The following PARD3 variants were observed in gnomAD, a reference collection of about 807,000 sequenced individuals.
PARD3 encodes par-3 family cell polarity regulator, also known as partitioning defective 3 homolog.
Under a neutral mutation model 155.4 loss-of-function variants are expected in PARD3, and 75 were observed. The ratio of observed to expected loss-of-function variants is 0.48; its 90% confidence interval spans 0.40 to 0.58. The LOEUF (loss-of-function observed/expected upper bound fraction) is 0.58, where lower values mean the gene tolerates loss of function less well. Ranked by LOEUF, PARD3 falls within the 20% of genes least tolerant of loss-of-function variation. PARD3 has a pLI of 0.00. For missense variants in PARD3, 1,642 were observed against 1,721.7 expected, an observed-to-expected ratio of 0.95 and a Z score of 0.82; for synonymous variants, 576 against 610.5, an observed-to-expected ratio of 0.94 and a Z score of 0.83.
chr10:34,215,031 T>C (rs1008804502), intron 22 of PARD3, among the ~76,000 whole-genome samples: 3 of 152,216 alleles, frequency 2.0e-5, no homozygotes, highest in Non-Finnish European at 2.9e-5. Context: ...CTATTGGCAT[T>C]CCGGGCATCT....
intron 5 of PARD3, among the ~76,000 whole-genome samples, chr10:34,434,640 A>C (rs1230213922): frequency 6.6e-6 from 1 of 152,208 alleles, no homozygotes; most frequent in African/African-American, 2.4e-5. Context: ...GGAGGGCTGC[A>C]GTGTTGTGTA....
intron 7 of PARD3, among the ~76,000 whole-genome samples, chr10:34,385,849 T>C (rs1214975270): frequency 6.6e-6 from 1 of 152,196 alleles, no homozygotes; most frequent in Admixed American, 6.5e-5. Context: ...ACTGAACTAG[T>C]AGTAAGGTCT....
chr10:34,409,868 A>G (rs898019721), intron 5 of PARD3, among the ~76,000 whole-genome samples: 4 of 152,232 alleles, frequency 2.6e-5, no homozygotes, highest in African/African-American at 9.6e-5. Flanking sequence ...ACAATAATTT[A>G]AAGTATTAAA....
intron 2 of PARD3, among the ~76,000 whole-genome samples, chr10:34,552,579 C>T (rs1434326112): frequency 2.0e-5 from 3 of 152,064 alleles, no homozygotes; most frequent in African/African-American, 7.2e-5. Context: ...CCAGGCATGG[C>T]GGTGCACGCC....
At position 34,389,239 on chromosome 10, in the gene PARD3, TAAAAAAAAAAAAA is replaced by T. The variant is rs57615675; in HGVS notation, c.891-4998_891-4986del. Among the ~76,000 whole-genome samples, 19 of 65,852 alleles carry T rather than the reference TAAAAAAAAAAAAA, an allele frequency of 2.9e-4. No homozygotes were observed. In the South Asian group the frequency reaches 8.5e-3, roughly 30 times the overall value. 43.2% of individuals were successfully genotyped at this position (65,852 alleles called of 152,430 possible). A position where few individuals can be genotyped will look rare whatever the true frequency, so the allele number is the denominator to read the frequency against. On this transcript the variant is annotated intron_variant, in intron 7 of 24. Transcript: ENST00000374788. ...GACTTCGTTTTTGAACAATGTTTCT[TAAAAAAAAAAAAA>T]AAAAAAAAAAAAAGACAAGCTAGGG...
At chr10:34,404,629 C>T (rs1163322070) in intron 5 of PARD3, among the ~76,000 whole-genome samples, 1 of 151,666 alleles carries the variant, frequency 6.6e-6, no homozygotes, top group Non-Finnish European at 1.5e-5. Flanking sequence ...TTTCCCTACT[C>T]TCCATTTCAT....
At chr10:34,228,775 C>G (rs1175952053) in intron 22 of PARD3, among the ~76,000 whole-genome samples, 1 of 152,036 alleles carries the variant, frequency 6.6e-6, no homozygotes, top group Non-Finnish European at 1.5e-5. Flanking sequence ...AAAAAACAGA[C>G]CCTGTGCTCC....
rs566355376 is a variant in PARD3, at chr10:34,608,010, T to C, written c.222+88308A>G. Reference sequence around the variant, plus strand: ...TGCACTTTCATTCTGCACTGTGTCCTGCAAATCATGCAGCCAGCCCTGAGT... The same window carrying C: ...TGCACTTTCATTCTGCACTGTGTCCCGCAAATCATGCAGCCAGCCCTGAGT... On this transcript the variant is annotated intron_variant, in intron 2 of 24. Transcript: ENST00000374788. Among the ~76,000 whole-genome samples the C allele has an allele frequency of 4.5e-4, 68 of 152,308 alleles. 1 individual carries two copies. In the South Asian group the frequency reaches 0.011, roughly 26 times the overall value.
intron 20 of PARD3, among the ~76,000 whole-genome samples, chr10:34,316,639 C>T (rs1357049382): frequency 6.6e-6 from 1 of 152,090 alleles, no homozygotes; most frequent in Non-Finnish European, 1.5e-5. Context: ...CAAAAAAGAA[C>T]AAACACTGCT....
intron 4 of PARD3, among the ~76,000 whole-genome samples, chr10:34,453,570 G>T (rs1361424448): frequency 6.6e-6 from 1 of 152,134 alleles, no homozygotes; most frequent in Non-Finnish European, 1.5e-5. Flanking sequence ...TTTAAAAATT[G>T]TTTAGGGAAT....
intron 14 of PARD3, among the ~76,000 whole-genome samples, chr10:34,353,156 GC>G (rs1391645038): frequency 6.6e-6 from 1 of 151,926 alleles, no homozygotes; most frequent in Non-Finnish European, 1.5e-5. Context: ...CCGGCCAGCC[GC>G]CCCGTCCGGG....
chr10:34,157,725 CCCAATGACACA>C lies in PARD3; in HGVS notation c.3420-26153_3420-26143del, dbSNP rs1482689209. 2.0e-5 allele frequency among the ~76,000 whole-genome samples: 3 copies of C among 152,306 alleles called. No individual in the cohort carries two copies. The East Asian group carries it at 5.8e-4, about 29-fold the overall frequency. ...TGCTTCCTATAGAGGGTTCCCTATTCCCAATGACACATGCCCAAATGAAGCACTTGTTTTTC... is the reference window on the plus strand; with the variant it reads ...TGCTTCCTATAGAGGGTTCCCTATTCTGCCCAAATGAAGCACTTGTTTTTC... On this transcript the variant is annotated intron_variant, in intron 22 of 24. Coordinates refer to ENST00000374788, the MANE Select transcript of PARD3 (RefSeq NM_001184785.2).
At chr10:34,208,783 A>G (rs1951600729) in intron 22 of PARD3, among the ~76,000 whole-genome samples, 1 of 152,154 alleles carries the variant, frequency 6.6e-6, no homozygotes, top group African/African-American at 2.4e-5. Context: ...AGCTATCAGC[A>G]TGGTGTGGGG....
chr10:34,550,422 G>A (rs1295316459), intron 2 of PARD3, among the ~76,000 whole-genome samples: 4 of 152,042 alleles, frequency 2.6e-5, no homozygotes, highest in African/African-American at 9.7e-5. Context: ...ATGTTGCCCA[G>A]GCTGGTCTCG....
At chr10:34,539,844 G>A (rs141284525) in intron 2 of PARD3, among the ~76,000 whole-genome samples, 59 of 152,314 alleles carry the variant, frequency 3.9e-4, no homozygotes, top group Non-Finnish European at 5.7e-4. Context: ...GGGCGGGAGT[G>A]TGTACACCAA....
In PARD3 at chr10:34,227,881, T is replaced by TATATAC. The variant is rs1199483392; in HGVS notation, c.3419+41775_3419+41776insGTATAT. 6.7e-5 allele frequency among the ~76,000 whole-genome samples: 9 copies of TATATAC among 133,738 alleles called. 1 individual carries two copies. The highest frequency in any genetic ancestry group is 2.3e-4 in the African/African-American group (8 of 34,192). The allele number at this position is 133,738 out of a possible 152,430, so 87.7% of individuals were successfully genotyped here. The stretch of plus-strand genomic sequence containing the variant: ...TTATATATATATATATATATATATA[T>TATATAC]ATACTGGGAATATATATGTATATAT... On this transcript the variant is annotated intron_variant, in intron 22 of 24. Coordinates refer to ENST00000374788, the MANE Select transcript of PARD3 (RefSeq NM_001184785.2).
intron 2 of PARD3, among the ~76,000 whole-genome samples, chr10:34,682,664 C>T (rs2093866167): frequency 6.6e-6 from 1 of 152,050 alleles, no homozygotes; most frequent in Admixed American, 6.6e-5. Flanking sequence ...GGAGGCTGCA[C>T]TGAGCTAGGA....
intron 1 of PARD3, among the ~76,000 whole-genome samples, chr10:34,698,981 C>T (rs977861860): frequency 2.6e-5 from 4 of 152,172 alleles, no homozygotes; most frequent in Admixed American, 2.0e-4. Context: ...GCAGCCTCCA[C>T]GATGCTTAAC....
intron 2 of PARD3, among the ~76,000 whole-genome samples, chr10:34,613,266 T>C (rs1403058280): frequency 6.6e-6 from 1 of 152,206 alleles, no homozygotes; most frequent in East Asian, 1.9e-4. Context: ...TTAACCTGTG[T>C]GCACATACAC....
Sources: allele counts gnomAD v4.1 joint callset (sites outside exome capture counted in the v4.1 genomes callset), GRCh38; gene constraint gnomAD v4.1.1; transcripts MANE v1.5; gene names NCBI Gene and HGNC (gene_info 2026-07-23, HGNC 2026-07-21).